Variants in RGS7BP observed in about 807,000 individuals in gnomAD.
RGS7BP encodes the protein regulator of G protein signaling 7-binding protein.
In RGS7BP, 9 loss-of-function variants were observed where a neutral mutation model predicts 31.3. The observed-to-expected ratio is 0.29, with a 90% CI of 0.17 to 0.50. The LOEUF (loss-of-function observed/expected upper bound fraction) is 0.50, where lower values mean the gene tolerates loss of function less well. Ranked by LOEUF, RGS7BP falls within the 20% of genes least tolerant of loss-of-function variation. RGS7BP has a pLI of 0.98. For synonymous variants in RGS7BP, 115 were observed against 120.1 expected (o/e 0.96, Z 0.28); for missense variants, 274 against 322.0 (o/e 0.85, Z 1.14).
At chr5:64,542,551 T>C (rs1205469570) in intron 2 of RGS7BP, among the ~76,000 whole-genome samples, 1 of 152,214 alleles carries the variant, frequency 6.6e-6, no homozygotes, top group Non-Finnish European at 1.5e-5. Context: ...TTATTTTAGA[T>C]AGGGACTCTC....
In RGS7BP at chr5:64,609,224, T is replaced by C. The variant is rs772119378; in HGVS notation, c.746T>C (p.Phe249Ser). The part of the protein sequence containing the change: ...PLVRRRKRRF[F>S]GLCCLISS The stretch of plus-strand genomic sequence containing the variant: ...GTGAGAAGACGGAAGAGAAGGTTCT[T>C]TGGGCTGTGTTGTCTCATCTCAAGC... Residue 249 changes from phenylalanine (F) to serine (S), a missense_variant, in exon 6 of 6, where the codon TTT (phenylalanine) becomes TCT (serine). Phe to Ser is a radical substitution (Grantham distance 155). Transcript: ENST00000334025. 6.2e-7 allele frequency: 1 copy of C among 1,609,906 alleles called. No homozygotes were observed. The highest frequency in any genetic ancestry group is 8.5e-7 in the Non-Finnish European group (1 of 1,176,564).
At chr5:64,586,093 C>T (rs1742743502) in intron 3 of RGS7BP, among the ~76,000 whole-genome samples, 1 of 152,160 alleles carries the variant, frequency 6.6e-6, no homozygotes, top group Non-Finnish European at 1.5e-5. Context: ...ATGTTGGCCT[C>T]TTTTCCAAGA....
At chr5:64,600,531 G>A (rs1304855775) in intron 5 of RGS7BP, among the ~76,000 whole-genome samples, 1 of 151,974 alleles carries the variant, frequency 6.6e-6, no homozygotes, top group African/African-American at 2.4e-5. Context: ...ATAATCAAAG[G>A]TTGATACTGT....
chr5:64,571,128 C>G (rs1033839571), intron 2 of RGS7BP, among the ~76,000 whole-genome samples: 1 of 152,064 alleles, frequency 6.6e-6, no homozygotes, highest in African/African-American at 2.4e-5. Flanking sequence ...TAATATTTAC[C>G]ATCAGTTTTA....
At chr5:64,565,648 A>T (rs7701529) in intron 2 of RGS7BP, among the ~76,000 whole-genome samples, 121,268 of 151,896 alleles carry the variant, frequency 0.8, 48,863 homozygotes, top group African/African-American at 0.89. Context: ...CACTGCTTTT[A>T]AAGCCACCTT....
Position 64,611,308 on chromosome 5 carries a change from C to T in RGS7BP, c.*2056C>T, listed in dbSNP as rs1030588887. ...TCTCCTATACTTCAACTATATTGAA[C>T]TCTAGCTTCAATCTAGTTCCTACTA... On this transcript the variant is annotated 3_prime_UTR_variant, in exon 6 of 6. Transcript: ENST00000334025. The T allele has an allele frequency of 6.6e-6, 1 of 152,338 alleles. No homozygotes were observed. Among genetic ancestry groups the T allele is most frequent in the Non-Finnish European group, 1.5e-5 (1 of 67,922 alleles). 9.4% of individuals were successfully genotyped at this position (152,338 alleles called of 1,614,324 possible).
intron 5 of RGS7BP, among the ~76,000 whole-genome samples, chr5:64,598,653 G>C (rs6877763): frequency 6.6e-6 from 1 of 152,082 alleles, no homozygotes; most frequent in African/African-American, 2.4e-5. Context: ...ACCTTAAAAC[G>C]AACTCCTTCT....
chr5:64,513,468 G>T (rs1005393283), intron 2 of RGS7BP, among the ~76,000 whole-genome samples: 1 of 152,100 alleles, frequency 6.6e-6, no homozygotes, highest in African/African-American at 2.4e-5. Flanking sequence ...ACTTCTAGTT[G>T]ATTTCTTGTT....
intron 2 of RGS7BP, among the ~76,000 whole-genome samples, chr5:64,571,892 G>A (rs1284967872): frequency 1.3e-5 from 2 of 152,064 alleles, no homozygotes; most frequent in Non-Finnish European, 2.9e-5. Context: ...AATTCTTAGG[G>A]TTTTTTCTAT....
At chr5:64,593,509 C>A (rs966755740) in intron 3 of RGS7BP, among the ~76,000 whole-genome samples, 1 of 152,108 alleles carries the variant, frequency 6.6e-6, no homozygotes, top group Admixed American at 6.6e-5. Context: ...TGGGCTGTAA[C>A]AATTACTTAA....
At chr5:64,556,152 A>T (rs1419855199) in intron 2 of RGS7BP, among the ~76,000 whole-genome samples, 8 of 151,860 alleles carry the variant, frequency 5.3e-5, no homozygotes, top group Non-Finnish European at 1.2e-4. Flanking sequence ...CCTCTTAAAC[A>T]CTTGCTATTT....
intron 2 of RGS7BP, among the ~76,000 whole-genome samples, chr5:64,528,106 T>A (rs1361612676): frequency 6.6e-6 from 1 of 152,248 alleles, no homozygotes; most frequent in Non-Finnish European, 1.5e-5. Context: ...TACAAAAATG[T>A]ACTAACCTTA....
At position 64,560,082 on chromosome 5, in the gene RGS7BP, C is replaced by A. The variant is rs973054840; in HGVS notation, c.333-15692C>A. On this transcript the variant is annotated intron_variant, in intron 2 of 5. Transcript: ENST00000334025. ...ATGTTCATCATTTAATAAGGCACTA[C>A]ATATGTCACACTGGCTGTTTCCTGC... Among the ~76,000 whole-genome samples, 5 of 152,294 alleles carry A rather than the reference C, an allele frequency of 3.3e-5. No homozygotes were observed. In the East Asian group the frequency reaches 7.7e-4, roughly 24 times the overall value.
chr5:64,550,707 T>C (rs1741772374), intron 2 of RGS7BP, among the ~76,000 whole-genome samples: 1 of 151,248 alleles, frequency 6.6e-6, no homozygotes, highest in Non-Finnish European at 1.5e-5. Context: ...ATTAGGTATA[T>C]CTCCTAATGC....
chr5:64,540,975 G>A (rs1202935463), intron 2 of RGS7BP, among the ~76,000 whole-genome samples: 1 of 152,232 alleles, frequency 6.6e-6, no homozygotes, highest in Admixed American at 6.5e-5. Flanking sequence ...GGAGAGCTCG[G>A]TGTTGGCATG....
chr5:64,561,272 C>T (rs1218600505), intron 2 of RGS7BP, among the ~76,000 whole-genome samples: 2 of 152,050 alleles, frequency 1.3e-5, no homozygotes, highest in Admixed American at 1.3e-4. Context: ...AATTTAGGGG[C>T]TCAACAAAGA....
At chr5:64,595,660 A>G (rs930774920) in intron 4 of RGS7BP, among the ~76,000 whole-genome samples, 5 of 152,138 alleles carry the variant, frequency 3.3e-5, no homozygotes, top group Admixed American at 6.5e-5. Context: ...CTTTGCTACT[A>G]ATGTCCCCAG....
At chr5:64,575,024 C>T (rs1440836507) in intron 2 of RGS7BP, among the ~76,000 whole-genome samples, 1 of 151,906 alleles carries the variant, frequency 6.6e-6, no homozygotes, top group Non-Finnish European at 1.5e-5. Context: ...ATTATTTTAT[C>T]AACTAGTTTT....
At chr5:64,519,905 G>A (rs371347282) in intron 2 of RGS7BP, among the ~76,000 whole-genome samples, 5 of 152,104 alleles carry the variant, frequency 3.3e-5, no homozygotes, top group African/African-American at 1.2e-4. Flanking sequence ...AGGTGGATGG[G>A]AGCTGAGATT....
Sources: allele counts gnomAD v4.1 joint callset (sites outside exome capture counted in the v4.1 genomes callset), GRCh38; gene constraint gnomAD v4.1.1; transcripts MANE v1.5; gene names NCBI Gene and HGNC (gene_info 2026-07-23, HGNC 2026-07-21).